Variants in NOL4L observed in about 807,000 individuals in gnomAD.
NOL4L encodes nucleolar protein 4-like.
NOL4L carries 7 observed loss-of-function variants against 64.5 expected under a neutral mutation model. That is an observed-to-expected ratio of 0.11 (90% CI 0.06 to 0.20). NOL4L has a LOEUF of 0.20. Among genes scored for constraint, NOL4L ranks in the 10% least tolerant of loss-of-function variants. The pLI is 1.00. For missense variants in NOL4L, 680 were observed against 967.1 expected (o/e 0.70, Z 3.94); for synonymous variants, 413 against 401.0 (o/e 1.03, Z -0.36).
intron 1 of NOL4L, among the ~76,000 whole-genome samples, chr20:32,556,439 G>A (rs963853508): frequency 2.6e-5 from 4 of 152,092 alleles, no homozygotes; most frequent in African/African-American, 9.7e-5. Context: ...CTTGAACCCT[G>A]TTCTTCCTGA....
chr20:32,483,622 A>T, intron 4 of NOL4L: 4 of 3,328 alleles, frequency 1.2e-3, no homozygotes, highest in Non-Finnish European at 1.4e-3. Context: ...GGGCACGGGG[A>T]GGCGGGAGAG....
intron 5 of NOL4L, among the ~76,000 whole-genome samples, chr20:32,472,354 C>T (rs986432219): frequency 6.6e-6 from 1 of 152,256 alleles, no homozygotes; most frequent in Non-Finnish European, 1.5e-5. Flanking sequence ...AGAGCCCACA[C>T]ACCAAGCCCA....
chr20:32,518,109 C>G, intron 3 of NOL4L, among the ~76,000 whole-genome samples: 1 of 152,204 alleles, frequency 6.6e-6, no homozygotes, highest in Non-Finnish European at 1.5e-5. Flanking sequence ...CATGCCCTTC[C>G]ATGAGCCACT....
At chr20:32,461,116 G>A (rs898697664) in intron 5 of NOL4L, among the ~76,000 whole-genome samples, 1 of 152,238 alleles carries the variant, frequency 6.6e-6, no homozygotes, top group Non-Finnish European at 1.5e-5. Context: ...GGTCCAGCCT[G>A]TCCCTCGGCC....
At chr20:32,488,818 TTTCTTTCTTTTTCTTTCTTTC>T (rs1568648590) in intron 4 of NOL4L, among the ~76,000 whole-genome samples, 3 of 17,420 alleles carry the variant, frequency 1.7e-4, no homozygotes, top group African/African-American at 9.9e-4. Context: ...TCTTTCTTTC[TTTCTTTCTTTTTCTTTCTTTC>T]TTTCTTTCTT....
At chr20:32,455,373 G>A (rs2013388311) in intron 6 of NOL4L, among the ~76,000 whole-genome samples, 1 of 152,228 alleles carries the variant, frequency 6.6e-6, no homozygotes, top group Non-Finnish European at 1.5e-5. Flanking sequence ...GGTACAGAAT[G>A]TCCCCACGAG....
At chr20:32,494,265 AAAAAAAAAAAAAAAAAAC>A (rs1454744295) in intron 4 of NOL4L, among the ~76,000 whole-genome samples, 1 of 140,040 alleles carries the variant, frequency 7.1e-6, no homozygotes, top group African/African-American at 2.9e-5. Context: ...AAAAAAAAAA[AAAAAAAAAAAAAAAAAAC>A]ACACAACACA....
At chr20:32,548,887 C>T (rs1234223348) in intron 1 of NOL4L, 7 of 423,144 alleles carry the variant, frequency 1.7e-5, no homozygotes, top group Admixed American at 1.2e-4. Flanking sequence ...TACTACACAG[C>T]TGTAAAAAAG....
chr20:32,561,759 T>G (rs950063072), intron 1 of NOL4L, among the ~76,000 whole-genome samples: 6 of 152,134 alleles, frequency 3.9e-5, no homozygotes, highest in African/African-American at 1.4e-4. Context: ...GTGACTCAGT[T>G]TTCTCCTCAA....
rs11473402 is a variant in NOL4L, at chr20:32,444,957, A to AAAC, written c.*2636_*2638dup. The stretch of plus-strand genomic sequence containing the variant: ...AGCTGCATCTTTTAAAACAAAAGCA[A>AAAC]AACAAGTTCCCTGACTGAGCCAGCT... On this transcript the variant is annotated 3_prime_UTR_variant, in exon 11 of 11. Coordinates refer to ENST00000621426, the MANE Select transcript of NOL4L (RefSeq NM_001256798.2). 0.67 allele frequency: 100,964 copies of AAAC among 151,730 alleles called. 35,021 individuals are homozygous for AAAC. Among genetic ancestry groups the AAAC allele is most frequent in the East Asian group, 0.99 (5,105 of 5,156 alleles). 9.4% of individuals were successfully genotyped at this position (151,730 alleles called of 1,614,324 possible). A position where few individuals can be genotyped will look rare whatever the true frequency, so the allele number is the denominator to read the frequency against.
At chr20:32,576,908 T>G (rs1412949487) in intron 1 of NOL4L, among the ~76,000 whole-genome samples, 2 of 152,148 alleles carry the variant, frequency 1.3e-5, no homozygotes, top group East Asian at 3.9e-4. Flanking sequence ...GAGGGCACCA[T>G]GAGCCAGGGG....
At chr20:32,448,769 G>A (rs963099640) in intron 10 of NOL4L, among the ~76,000 whole-genome samples, 50 of 152,202 alleles carry the variant, frequency 3.3e-4, no homozygotes, top group African/African-American at 1.1e-3. Flanking sequence ...TGTTGGGGAG[G>A]GGACCGCCAG....
chr20:32,585,035 G>T lies in NOL4L; in HGVS notation c.-145C>A. 3.3e-6 allele frequency: 1 copy of T among 301,396 alleles called. No individual in the cohort carries two copies. The highest frequency in any genetic ancestry group is 4.8e-6 in the Non-Finnish European group (1 of 206,274). The allele number at this position is 301,396 out of a possible 1,614,324, so 18.7% of individuals were successfully genotyped here. ...TGTGGCTCCGGCGAGGCTGCTGGAT[G>T]GGCGCGGGCGGCGGCCGGACGCGCG... On this transcript the variant is annotated 5_prime_UTR_variant, in exon 1 of 11. Coordinates refer to ENST00000621426, the MANE Select transcript of NOL4L (RefSeq NM_001256798.2).
intron 4 of NOL4L, among the ~76,000 whole-genome samples, chr20:32,497,801 T>C (rs576303176): frequency 4.0e-4 from 61 of 152,206 alleles, no homozygotes; most frequent in African/African-American, 1.4e-3. Context: ...GGCAGGGGTG[T>C]TTTACTGCCA....
intron 6 of NOL4L, chr20:32,454,091 C>A (rs555396937): frequency 2.1e-5 from 6 of 291,104 alleles, no homozygotes; most frequent in Non-Finnish European, 4.0e-5. Context: ...GGACCTGCCA[C>A]GTGTACAGGG....
At chr20:32,465,199 C>T (rs1200826137) in intron 5 of NOL4L, 2 of 457,616 alleles carry the variant, frequency 4.4e-6, no homozygotes, top group East Asian at 3.5e-5. Context: ...CGGCGGGTAA[C>T]TCATCATGCC....
At chr20:32,448,016 G>T (rs2012477025) in intron 10 of NOL4L, among the ~76,000 whole-genome samples, 200 bp from the exon 11 acceptor site, 5 of 152,220 alleles carry the variant, frequency 3.3e-5, no homozygotes, top group Admixed American at 3.3e-4. Flanking sequence ...GGTTCTCAGA[G>T]AATCCTCAGG....
intron 3 of NOL4L, among the ~76,000 whole-genome samples, chr20:32,517,723 G>T (rs2017734021): frequency 1.3e-5 from 2 of 152,208 alleles, no homozygotes; most frequent in Admixed American, 1.3e-4. Flanking sequence ...TGGCAGCCTT[G>T]TGTCTGGGCA....
In NOL4L at chr20:32,446,217, G is replaced by C. The variant is rs886626218; in HGVS notation, c.*1379C>G. On this transcript the variant is annotated 3_prime_UTR_variant, in exon 11 of 11. Coordinates refer to ENST00000621426, the MANE Select transcript of NOL4L (RefSeq NM_001256798.2). Reference sequence around the variant, plus strand: ...CACTGGTAGGTATTGCACTGAGCAAGAGGAAGTGCCTATCAATCAATCAAT... The same window carrying C: ...CACTGGTAGGTATTGCACTGAGCAACAGGAAGTGCCTATCAATCAATCAAT... 6.9e-6 allele frequency: 1 copy of C among 145,714 alleles called. No individual in the cohort carries two copies. The highest frequency in any genetic ancestry group is 2.4e-5 in the African/African-American group (1 of 40,936). The allele number at this position is 145,714 out of a possible 1,614,324, so 9.0% of individuals were successfully genotyped here.
Sources: allele counts gnomAD v4.1 joint callset (sites outside exome capture counted in the v4.1 genomes callset), GRCh38; gene constraint gnomAD v4.1.1; transcripts MANE v1.5; gene names NCBI Gene and HGNC (gene_info 2026-07-23, HGNC 2026-07-21).